Variants in WWOX observed in about 807,000 individuals in gnomAD.
WWOX encodes the protein WW domain-containing oxidoreductase.
A neutral mutation model predicts 46.2 loss-of-function variants in WWOX; 69 were observed. The observed-to-expected ratio is 1.49, with a 90% CI of 1.23 to 1.82. The LOEUF is 1.82. Ranked by LOEUF, WWOX falls within the 40% of genes most tolerant of loss-of-function variation. The pLI is 0.00. For synonymous variants in WWOX, 359 were observed against 202.6 expected (o/e 1.77, Z -6.56); for missense variants, 919 against 542.6 (o/e 1.69, Z -6.89).
At chr16:78,386,190 G>C (rs1462839866) in intron 5 of WWOX, among the ~76,000 whole-genome samples, 1 of 152,150 alleles carries the variant, frequency 6.6e-6, no homozygotes, top group East Asian at 1.9e-4. Flanking sequence ...GTTGTTAGGA[G>C]CCTTGAGTGA....
chr16:78,876,802 T>C (rs921748988), intron 8 of WWOX, among the ~76,000 whole-genome samples: 5 of 152,216 alleles, frequency 3.3e-5, no homozygotes, highest in African/African-American at 7.2e-5. Flanking sequence ...TCATCTATTA[T>C]GCTGTGCTCA....
intron 4 of WWOX, among the ~76,000 whole-genome samples, chr16:78,118,101 G>T (rs2032900151): frequency 6.6e-6 from 1 of 150,894 alleles, no homozygotes. Flanking sequence ...CCATTGGTGA[G>T]GATCTCACTG....
chr16:79,013,882 C>G (rs965913645), intron 8 of WWOX, among the ~76,000 whole-genome samples: 1 of 152,160 alleles, frequency 6.6e-6, no homozygotes, highest in Non-Finnish European at 1.5e-5. Context: ...TTTGTAATCA[C>G]ATATTTTTCA....
At chr16:78,609,147 T>C (rs538233177) in intron 8 of WWOX, among the ~76,000 whole-genome samples, 3 of 152,336 alleles carry the variant, frequency 2.0e-5, no homozygotes, top group Admixed American at 6.5e-5. Context: ...AAGGTTATAT[T>C]TGAAATCTTT....
chr16:78,886,150 C>A (rs2044452548), intron 8 of WWOX, among the ~76,000 whole-genome samples: 2 of 151,694 alleles, frequency 1.3e-5, no homozygotes, highest in African/African-American at 2.4e-5. Flanking sequence ...GTCTTGAAGT[C>A]CTGACCTTAA....
chr16:79,049,956 C>G (rs980831719), intron 8 of WWOX, among the ~76,000 whole-genome samples: 1 of 151,662 alleles, frequency 6.6e-6, no homozygotes, highest in African/African-American at 2.4e-5. Flanking sequence ...GACTCCAGGG[C>G]AAGAAAAAAA....
chr16:78,559,257 A>G (rs944421479), intron 8 of WWOX, among the ~76,000 whole-genome samples: 1 of 152,220 alleles, frequency 6.6e-6, no homozygotes, highest in Admixed American at 6.5e-5. Flanking sequence ...CCATGCATGT[A>G]TTTTAGAAAG....
chr16:78,576,072 T>C (rs1288359900), intron 8 of WWOX, among the ~76,000 whole-genome samples: 6 of 152,154 alleles, frequency 3.9e-5, no homozygotes, highest in Non-Finnish European at 8.8e-5. Context: ...TGAAGCACAA[T>C]ATAATATTGA....
intron 8 of WWOX, among the ~76,000 whole-genome samples, chr16:78,728,124 G>A (rs888028668): frequency 2.9e-5 from 4 of 136,674 alleles, no homozygotes; most frequent in Non-Finnish European, 4.6e-5. Flanking sequence ...GAGTGCAGTG[G>A]CCCAGTCACA....
chr16:78,568,626 C>T (rs1055223256), intron 8 of WWOX, among the ~76,000 whole-genome samples: 2 of 151,974 alleles, frequency 1.3e-5, no homozygotes, highest in Non-Finnish European at 2.9e-5. Context: ...CAGGCACCCG[C>T]CGCCACACCC....
intron 8 of WWOX, among the ~76,000 whole-genome samples, chr16:79,114,712 A>G (rs2049479829): frequency 6.6e-6 from 1 of 152,198 alleles, no homozygotes; most frequent in Non-Finnish European, 1.5e-5. Flanking sequence ...GCCCCAGGAA[A>G]GGAACACAGC....
At chr16:78,502,674 C>G (rs552711336) in intron 8 of WWOX, among the ~76,000 whole-genome samples, 2 of 152,154 alleles carry the variant, frequency 1.3e-5, no homozygotes, top group African/African-American at 4.8e-5. Context: ...TGTTTTCATT[C>G]CAATATCCTT....
chr16:78,411,836 C>G (rs374377117), intron 6 of WWOX, among the ~76,000 whole-genome samples: 1 of 152,074 alleles, frequency 6.6e-6, no homozygotes, highest in African/African-American at 2.4e-5. Context: ...AGCAGCTGAG[C>G]CTGGGATGGG....
intron 8 of WWOX, among the ~76,000 whole-genome samples, chr16:78,798,994 A>G (rs2050815990): frequency 6.6e-6 from 1 of 152,198 alleles, no homozygotes; most frequent in African/African-American, 2.4e-5. Flanking sequence ...GCCGTAAACA[A>G]CAATGTGAGC....
chr16:78,730,296 C>G (rs1300400357), intron 8 of WWOX, among the ~76,000 whole-genome samples: 2 of 151,942 alleles, frequency 1.3e-5, no homozygotes, highest in Non-Finnish European at 2.9e-5. Flanking sequence ...TTCCTCCTTC[C>G]TTGCCTCCTT....
rs145704669 is a variant in WWOX, at chr16:78,748,366, A to G, written c.1056+315614A>G. On this transcript the variant is annotated intron_variant, in intron 8 of 8. Coordinates refer to ENST00000566780, the MANE Select transcript of WWOX (RefSeq NM_016373.4). Reference sequence around the variant, plus strand: ...GGTGGAAGTGCTTCACTTTTTATGGAAAGTCTTTCACTCATTTCTATCTGC... The same window carrying G: ...GGTGGAAGTGCTTCACTTTTTATGGGAAGTCTTTCACTCATTTCTATCTGC... Among the ~76,000 whole-genome samples, 540 of 152,312 alleles carry G rather than the reference A, an allele frequency of 3.5e-3. 4 individuals carry two copies. The highest frequency in any genetic ancestry group is 0.012 in the African/African-American group (479 of 41,580).
chr16:78,904,555 G>A (rs2044912090), intron 8 of WWOX, among the ~76,000 whole-genome samples: 2 of 151,960 alleles, frequency 1.3e-5, no homozygotes, highest in African/African-American at 4.8e-5. Context: ...TTTTCTGGGT[G>A]GGGCATGGTC....
chr16:79,208,662 C>A (rs879807642), intron 8 of WWOX, among the ~76,000 whole-genome samples: 1 of 145,782 alleles, frequency 6.9e-6, no homozygotes, highest in Non-Finnish European at 1.5e-5. Flanking sequence ...AGAATGCTTT[C>A]TCTTTTATTG....
intron 8 of WWOX, among the ~76,000 whole-genome samples, chr16:79,143,582 A>C (rs940686985): frequency 6.6e-6 from 1 of 152,214 alleles, no homozygotes; most frequent in Non-Finnish European, 1.5e-5. Flanking sequence ...TAGAAAAAAT[A>C]GTTTTAGGGA....
Sources: allele counts gnomAD v4.1 joint callset (sites outside exome capture counted in the v4.1 genomes callset), GRCh38; gene constraint gnomAD v4.1.1; transcripts MANE v1.5; gene names NCBI Gene and HGNC (gene_info 2026-07-23, HGNC 2026-07-21).